CIMAP1D: variants seen among roughly 807,000 people sequenced by gnomAD.
CIMAP1D encodes the protein CIMAP1 family member D, also known as protein CIMAP1D.
chr19:467,518 G>A, the CIMAP1D span: 2 of 726,570 alleles, frequency 2.8e-6, no homozygotes, highest in Non-Finnish European at 2.5e-6. Context: ...CGTGTCCCTT[G>A]GATTTGATCA....
chr19:475,004 GTC>G, the CIMAP1D span: 1 of 378,226 alleles, frequency 2.6e-6, no homozygotes, highest in East Asian at 3.9e-5. Context: ...CGGCTGGATG[GTC>G]CAGGAAAGAG....
chr19:465,828 G>A, the CIMAP1D span, among the ~76,000 whole-genome samples: 2 of 134,306 alleles, frequency 1.5e-5, no homozygotes, highest in Non-Finnish European at 3.2e-5. Flanking sequence ...TGGGTGGGTG[G>A]ATGGTGGATG....
chr19:484,960 A>G, the CIMAP1D span, among the ~76,000 whole-genome samples: 1 of 152,122 alleles, frequency 6.6e-6, no homozygotes, highest in Non-Finnish European at 1.5e-5. Flanking sequence ...CGAGCACACC[A>G]GCCCAGGTGG....
chr19:480,716 G>GA, the CIMAP1D span, among the ~76,000 whole-genome samples: 151 of 129,730 alleles, frequency 1.2e-3, 7 homozygotes, highest in African/African-American at 3.1e-3. Context: ...GAGAAGGAAT[G>GA]TGGGAAGGAT....
chr19:478,498 G>A, the CIMAP1D span, among the ~76,000 whole-genome samples: 52 of 152,352 alleles, frequency 3.4e-4, no homozygotes, highest in Admixed American at 3.1e-3. Context: ...CGGCAGCCTC[G>A]CCAGAACGAG....
the CIMAP1D span, among the ~76,000 whole-genome samples, chr19:478,216 C>A: frequency 6.6e-6 from 1 of 152,216 alleles, no homozygotes; most frequent in Non-Finnish European, 1.5e-5. Context: ...GTGCAGGACC[C>A]CAGGGGCTCC....
At chr19:471,787 G>C in the CIMAP1D span, among the ~76,000 whole-genome samples, 3 of 151,652 alleles carry the variant, frequency 2.0e-5, no homozygotes, top group Non-Finnish European at 4.4e-5. Flanking sequence ...CTGTCGCCCA[G>C]GCTGGAGTGC....
At chr19:489,079 T>TGGC in the CIMAP1D span, 1 of 152,078 alleles carries the variant, frequency 6.6e-6, no homozygotes, top group Non-Finnish European at 1.5e-5. Flanking sequence ...CTCCGCGGCA[T>TGGC]GGCGGGAGTT....
the CIMAP1D span, among the ~76,000 whole-genome samples, chr19:468,633 G>T: frequency 6.6e-6 from 1 of 152,226 alleles, no homozygotes; most frequent in Non-Finnish European, 1.5e-5. Context: ...GATTGAGACC[G>T]TTTGCTGCTT....
chr19:476,431 C>G, the CIMAP1D span, among the ~76,000 whole-genome samples: 1 of 152,100 alleles, frequency 6.6e-6, no homozygotes, highest in African/African-American at 2.4e-5. Flanking sequence ...CTCAGGTGAT[C>G]CACACACCTC....
the CIMAP1D span, chr19:475,069 G>A: frequency 6.3e-5 from 17 of 268,966 alleles, no homozygotes; most frequent in African/African-American, 3.7e-4. Flanking sequence ...GGGCAGCTGG[G>A]GCCAGGGCCG....
chr19:463,475 C>G, the CIMAP1D span: 1 of 324,754 alleles, frequency 3.1e-6, no homozygotes. Context: ...CTAACCCAAG[C>G]TGTGATGGGG....
chr19:489,425 C>G, the CIMAP1D span: 1 of 152,474 alleles, frequency 6.6e-6, no homozygotes, highest in Non-Finnish European at 1.5e-5. Context: ...CCTCTACGCC[C>G]GACCCGCCCT....
the CIMAP1D span, among the ~76,000 whole-genome samples, chr19:470,447 G>C: frequency 6.6e-6 from 1 of 151,814 alleles, no homozygotes. Flanking sequence ...TCCTGACCTC[G>C]TGGTCCACCC....
At chr19:483,168 G>C in the CIMAP1D span, among the ~76,000 whole-genome samples, 4 of 151,696 alleles carry the variant, frequency 2.6e-5, no homozygotes, top group Admixed American at 2.6e-4. Context: ...CAAACCCCTG[G>C]GGCCGCTTCC....
the CIMAP1D span, among the ~76,000 whole-genome samples, chr19:486,122 G>A: frequency 6.6e-6 from 1 of 152,222 alleles, no homozygotes; most frequent in Non-Finnish European, 1.5e-5. Context: ...GCTCTGCTGG[G>A]CACCCAGCCC....
the CIMAP1D span, among the ~76,000 whole-genome samples, chr19:485,557 G>T: frequency 6.6e-6 from 1 of 152,258 alleles, no homozygotes; most frequent in East Asian, 1.9e-4. Flanking sequence ...GGAGAAGGGT[G>T]ATCAGAGAAT....
chr19:463,772 C>A, the CIMAP1D span: 1 of 1,530,326 alleles, frequency 6.5e-7, no homozygotes, highest in Non-Finnish European at 8.7e-7. Flanking sequence ...GCCTTCTAGC[C>A]CCTCCAGCCA....
the CIMAP1D span, among the ~76,000 whole-genome samples, chr19:486,739 C>G: frequency 5.1e-4 from 78 of 151,860 alleles, no homozygotes; most frequent in African/African-American, 1.9e-3. Context: ...ACAGTGAAAC[C>G]CCGTCTCTAC....
Sources: gnomAD v4.1 joint callset for allele counts (sites outside exome capture counted in the v4.1 genomes callset) on GRCh38, gnomAD v4.1.1 for gene constraint, MANE v1.5 for transcripts, NCBI Gene and HGNC (gene_info 2026-07-23, HGNC 2026-07-21) for gene names.